SREK1IP1: variants seen among roughly 807,000 people sequenced by gnomAD.
SREK1IP1 encodes the protein SREK1 interacting protein 1, also known as protein SREK1IP1.
Under a neutral mutation model 22.8 loss-of-function variants are expected in SREK1IP1, and 12 were observed. The ratio of observed to expected loss-of-function variants is 0.53; its 90% CI spans 0.34 to 0.85. The LOEUF (loss-of-function observed/expected upper bound fraction) is 0.85. Among genes scored for constraint, SREK1IP1 ranks in the 40% least tolerant of loss-of-function variants. The pLI is 0.02. For missense variants in SREK1IP1, 147 were observed against 171.8 expected, an observed-to-expected ratio of 0.86 and a Z score of 0.81; for synonymous variants, 53 against 52.7, an observed-to-expected ratio of 1.01 and a Z score of -0.02.
intron 3 of SREK1IP1, among the ~76,000 whole-genome samples, chr5:64,735,394 T>C (rs138104949): frequency 1.9e-3 from 285 of 152,180 alleles, no homozygotes; most frequent in African/African-American, 6.6e-3. Flanking sequence ...GTCTTATAAA[T>C]TGAGTTGAGA....
Position 64,721,159 on chromosome 5 carries a change from TA to T in SREK1IP1, c.*3224del, listed in dbSNP as rs1186426920. The stretch of plus-strand genomic sequence containing the variant: ...TACTTTAGGTAACCCCGAGTTTCTA[TA>T]AACTCATGTTCATGTCAATTACTGC... On this transcript the variant is annotated 3_prime_UTR_variant, in exon 5 of 5. Transcript: ENST00000513458. 1 of 152,228 alleles carries T rather than the reference TA, an allele frequency of 6.6e-6. No homozygotes were observed. The highest frequency in any genetic ancestry group is 1.5e-5 in the Non-Finnish European group (1 of 68,030). The allele number at this position is 152,228 out of a possible 1,614,324, so 9.4% of individuals were successfully genotyped here. A position where few individuals can be genotyped will look rare whatever the true frequency, so the allele number is the denominator to read the frequency against.
intron 1 of SREK1IP1, among the ~76,000 whole-genome samples, chr5:64,762,577 C>T (rs1179477210): frequency 6.6e-6 from 1 of 152,114 alleles, no homozygotes; most frequent in Non-Finnish European, 1.5e-5. Context: ...CATAGACACA[C>T]TCCTTTCTTT....
chr5:64,755,164 G>GT (rs1352775280), intron 1 of SREK1IP1, among the ~76,000 whole-genome samples: 1 of 149,714 alleles, frequency 6.7e-6, no homozygotes, highest in Non-Finnish European at 1.5e-5. Context: ...ATTTCTTAAA[G>GT]AACTTAAAAC....
intron 1 of SREK1IP1, among the ~76,000 whole-genome samples, chr5:64,759,676 C>G (rs1742911469): frequency 6.6e-6 from 1 of 151,968 alleles, no homozygotes. Flanking sequence ...AGATCAGTAA[C>G]CAACAGGAAA....
At chr5:64,765,744 CTAAGTT>C (rs1400218314) in intron 1 of SREK1IP1, among the ~76,000 whole-genome samples, 2 of 152,176 alleles carry the variant, frequency 1.3e-5, no homozygotes, top group African/African-American at 4.8e-5. Flanking sequence ...TAACACTGGT[CTAAGTT>C]TAAGAGAATT....
intron 1 of SREK1IP1, among the ~76,000 whole-genome samples, chr5:64,760,943 A>G (rs966113215): frequency 6.6e-6 from 1 of 152,224 alleles, no homozygotes; most frequent in Non-Finnish European, 1.5e-5. Context: ...AGGTGATTAA[A>G]TTACCCTTTC....
chr5:64,755,869 A>G (rs778216379), intron 1 of SREK1IP1, among the ~76,000 whole-genome samples: 4 of 152,050 alleles, frequency 2.6e-5, no homozygotes, highest in Non-Finnish European at 5.9e-5. Context: ...ACATACATAC[A>G]TTAAGGTTAA....
Position 64,722,168 on chromosome 5 carries a change from A to G in SREK1IP1, c.*2216T>C, listed in dbSNP as rs1352713211. 1 of 152,180 alleles carries G rather than the reference A, an allele frequency of 6.6e-6. No homozygotes were observed. Among genetic ancestry groups the G allele is most frequent in the Non-Finnish European group, 1.5e-5 (1 of 68,020 alleles). 9.4% of individuals were successfully genotyped at this position (152,180 alleles called of 1,614,324 possible). On this transcript the variant is annotated 3_prime_UTR_variant, in exon 5 of 5. Transcript: ENST00000513458. Reference sequence around the variant, plus strand: ...TTATTCAATTTCATAAACTATGCTAAAATTATGGGAAATTTACTTAGAAAT... The same window carrying G: ...TTATTCAATTTCATAAACTATGCTAGAATTATGGGAAATTTACTTAGAAAT...
chr5:64,768,027 A>C (rs914928016), intron 1 of SREK1IP1, among the ~76,000 whole-genome samples: 2 of 152,198 alleles, frequency 1.3e-5, no homozygotes, highest in Non-Finnish European at 2.9e-5. Context: ...CAAAGCGACC[A>C]ATCTATGGCC....
chr5:64,736,939 T>C (rs932636783), intron 3 of SREK1IP1, among the ~76,000 whole-genome samples: 1 of 151,004 alleles, frequency 6.6e-6, no homozygotes, highest in Non-Finnish European at 1.5e-5. Flanking sequence ...TTTGGAGTTA[T>C]AGTAATTTCA....
chr5:64,752,555 C>T (rs1742767566), intron 2 of SREK1IP1, among the ~76,000 whole-genome samples: 1 of 152,084 alleles, frequency 6.6e-6, no homozygotes, highest in South Asian at 2.1e-4. Context: ...CTTTAAAAAA[C>T]AATATATTCA....
At chr5:64,727,553 A>ATTTTTTTTT (rs1186653493) in intron 4 of SREK1IP1, 2 of 84,680 alleles carry the variant, frequency 2.4e-5, no homozygotes, top group African/African-American at 1.1e-4. Context: ...ATATATATAT[A>ATTTTTTTTT]TTTTTTTTTT....
intron 3 of SREK1IP1, among the ~76,000 whole-genome samples, chr5:64,737,254 G>T (rs1395743405): frequency 4.6e-5 from 7 of 151,668 alleles, no homozygotes; most frequent in Non-Finnish European, 1.0e-4. Flanking sequence ...GACCACAATG[G>T]TATGAAAATG....
intron 2 of SREK1IP1, among the ~76,000 whole-genome samples, chr5:64,746,218 C>T (rs1014829667): frequency 2.0e-5 from 3 of 152,048 alleles, no homozygotes; most frequent in Non-Finnish European, 2.9e-5. Context: ...TAAAAATTAA[C>T]TAAAAATGGG....
chr5:64,735,607 G>T (rs1290994066), intron 3 of SREK1IP1, among the ~76,000 whole-genome samples: 4 of 152,046 alleles, frequency 2.6e-5, no homozygotes, highest in Non-Finnish European at 5.9e-5. Context: ...TATCTTTCAA[G>T]TAATTTGTCC....
At chr5:64,741,226 TGA>T (rs746377218) in intron 2 of SREK1IP1, 26 bp from the exon 3 acceptor site, 5 of 1,595,070 alleles carry the variant, frequency 3.1e-6, no homozygotes, top group Non-Finnish European at 4.3e-6. Context: ...AAAAAAAATG[TGA>T]GTGATAAAAC....
intron 2 of SREK1IP1, among the ~76,000 whole-genome samples, chr5:64,749,784 C>T (rs1742709427): frequency 6.6e-6 from 1 of 152,108 alleles, no homozygotes; most frequent in African/African-American, 2.4e-5. Context: ...TTTTATTTCC[C>T]CACTGACCTA....
intron 3 of SREK1IP1, among the ~76,000 whole-genome samples, chr5:64,739,678 A>AT (rs949226912): frequency 3.6e-4 from 55 of 151,840 alleles, no homozygotes; most frequent in African/African-American, 1.2e-3. Flanking sequence ...ACGTCTTTAA[A>AT]TTTTTTTCTA....
At chr5:64,742,748 T>C (rs1301041961) in intron 2 of SREK1IP1, among the ~76,000 whole-genome samples, 2 of 152,222 alleles carry the variant, frequency 1.3e-5, no homozygotes, top group Non-Finnish European at 2.9e-5. Flanking sequence ...CAAGGCTTAA[T>C]TCCTGGAACT....
Sources: allele counts gnomAD v4.1 joint callset (sites outside exome capture counted in the v4.1 genomes callset), GRCh38; gene constraint gnomAD v4.1.1; transcripts MANE v1.5; gene names NCBI Gene and HGNC (gene_info 2026-07-23, HGNC 2026-07-21).